Variants in MDGA2 observed in about 807,000 individuals in gnomAD.
MDGA2 encodes MAM domain-containing glycosylphosphatidylinositol anchor protein 2.
A neutral mutation model predicts 117.8 loss-of-function variants in MDGA2; 40 were observed. The ratio of observed to expected loss-of-function variants is 0.34; its 90% CI spans 0.26 to 0.44. The LOEUF is 0.44. MDGA2 is among the 20% of genes least tolerant of loss of function. The probability of loss-of-function intolerance (pLI) is 1.00; values close to 1 mark genes in which losing one functional copy is unlikely to be tolerated. For synonymous variants in MDGA2, 452 were observed against 439.0 expected (o/e 1.03, Z -0.37); for missense variants, 1,123 against 1,250.6 (o/e 0.90, Z 1.54).
At chr14:47,290,165 C>A (rs1205841261) in intron 2 of MDGA2, among the ~76,000 whole-genome samples, 1 of 152,012 alleles carries the variant, frequency 6.6e-6, no homozygotes, top group Non-Finnish European at 1.5e-5. Context: ...CCCCAGAATT[C>A]ATTCATATTT....
chr14:47,047,737 T>A (rs1889314820), intron 7 of MDGA2, among the ~76,000 whole-genome samples: 1 of 152,050 alleles, frequency 6.6e-6, no homozygotes, highest in Admixed American at 6.6e-5. Context: ...ATAGATTTTG[T>A]TTTATTCATA....
intron 14 of MDGA2, among the ~76,000 whole-genome samples, chr14:46,869,486 A>G (rs529792060): frequency 6.6e-6 from 1 of 151,958 alleles, no homozygotes; most frequent in South Asian, 2.1e-4. Flanking sequence ...TCACTTACAT[A>G]TAAATCAGCA....
At chr14:46,942,425 T>C (rs1030003502) in intron 9 of MDGA2, among the ~76,000 whole-genome samples, 1 of 152,142 alleles carries the variant, frequency 6.6e-6, no homozygotes, top group Non-Finnish European at 1.5e-5. Flanking sequence ...ATAATTTACA[T>C]ATAATAAACT....
At chr14:46,927,039 TGTGA>T (rs1274277604) in intron 9 of MDGA2, among the ~76,000 whole-genome samples, 3 of 152,154 alleles carry the variant, frequency 2.0e-5, no homozygotes, top group Non-Finnish European at 4.4e-5. Flanking sequence ...GGAAAATGAC[TGTGA>T]GTATCTCATC....
At chr14:46,973,146 A>T (rs1379982672) in intron 8 of MDGA2, among the ~76,000 whole-genome samples, 13 of 152,144 alleles carry the variant, frequency 8.5e-5, no homozygotes, top group Admixed American at 8.5e-4. Flanking sequence ...AGCAATGTGA[A>T]TTTTCATTCG....
intron 10 of MDGA2, among the ~76,000 whole-genome samples, chr14:46,918,803 C>T (rs2138507239): frequency 7.3e-6 from 1 of 137,140 alleles, no homozygotes; most frequent in East Asian, 2.0e-4. Flanking sequence ...TTCTGTTGCC[C>T]AGAGCTGGAG....
At chr14:47,277,224 C>T (rs1419547597) in intron 2 of MDGA2, among the ~76,000 whole-genome samples, 1 of 152,194 alleles carries the variant, frequency 6.6e-6, no homozygotes, top group Non-Finnish European at 1.5e-5. Context: ...CTTAACAAAT[C>T]TCTTTCATGT....
chr14:47,435,278 A>G (rs558889222), intron 1 of MDGA2, among the ~76,000 whole-genome samples: 146 of 152,274 alleles, frequency 9.6e-4, no homozygotes, highest in Admixed American at 2.4e-3. Context: ...AATATACCCA[A>G]TTCTCTTAAT....
intron 1 of MDGA2, among the ~76,000 whole-genome samples, chr14:47,356,912 G>C (rs1455091634): frequency 6.6e-6 from 1 of 152,166 alleles, no homozygotes; most frequent in Admixed American, 6.6e-5. Context: ...TTTGGTAAGA[G>C]ATAAACAACC....
At chr14:47,672,371 T>C (rs1231944355) in intron 1 of MDGA2, among the ~76,000 whole-genome samples, 3 of 152,332 alleles carry the variant, frequency 2.0e-5, no homozygotes, top group Non-Finnish European at 2.9e-5. Context: ...TGCCTCCTTG[T>C]TTATTGTTAA....
intron 2 of MDGA2, among the ~76,000 whole-genome samples, chr14:47,232,089 A>G (rs1174104351): frequency 6.6e-6 from 1 of 152,070 alleles, no homozygotes; most frequent in African/African-American, 2.4e-5. Flanking sequence ...AGGGGCCAGA[A>G]AGCTAAAATC....
intron 6 of MDGA2, among the ~76,000 whole-genome samples, chr14:47,074,510 C>G (rs1890419185): frequency 6.6e-6 from 1 of 152,164 alleles, no homozygotes; most frequent in Non-Finnish European, 1.5e-5. Flanking sequence ...CCGTGTTAGC[C>G]AGGATGGTCT....
chr14:47,106,689 G>A (rs1880706563), intron 5 of MDGA2, among the ~76,000 whole-genome samples: 1 of 151,912 alleles, frequency 6.6e-6, no homozygotes, highest in Non-Finnish European at 1.5e-5. Flanking sequence ...AAGCCCCCTA[G>A]ACCATCACAG....
intron 8 of MDGA2, among the ~76,000 whole-genome samples, chr14:47,023,197 G>GCAAAAAAAAAAAAAAAAA (rs1435992503): frequency 5.7e-5 from 4 of 69,614 alleles, no homozygotes; most frequent in Non-Finnish European, 1.1e-4. Flanking sequence ...ATTCCCACTC[G>GCAAAAAAAAAAAAAAAAA]TAAAAAAAAA....
intron 3 of MDGA2, among the ~76,000 whole-genome samples, chr14:47,145,671 G>A (rs934705167): frequency 3.3e-5 from 5 of 152,002 alleles, no homozygotes; most frequent in East Asian, 1.9e-4. Context: ...TCAGCAGATC[G>A]GAATGATAAT....
intron 10 of MDGA2, among the ~76,000 whole-genome samples, chr14:46,896,479 C>A (rs1883081678): frequency 6.6e-6 from 1 of 151,968 alleles, no homozygotes; most frequent in Non-Finnish European, 1.5e-5. Context: ...AATCATCTAA[C>A]TTATGTTGGC....
chr14:46,958,273 T>A (rs563155808), intron 8 of MDGA2, among the ~76,000 whole-genome samples: 26 of 151,962 alleles, frequency 1.7e-4, no homozygotes, highest in Non-Finnish European at 3.1e-4. Flanking sequence ...AATGGGTACA[T>A]ACAAAGGTAC....
In MDGA2 at chr14:47,324,854, A is replaced by AAGAG. The variant is rs146722286; in HGVS notation, c.281-23308_281-23305dup. 1.8e-4 allele frequency among the ~76,000 whole-genome samples: 27 copies of AAGAG among 149,422 alleles called. No homozygotes were observed. In the South Asian group the frequency reaches 2.5e-3, roughly 14 times the overall value. On this transcript the variant is annotated intron_variant, in intron 1 of 16. Transcript: ENST00000399232. ...GTATACACAGAGAGAGAGAGAGAGA[A>AAGAG]AGAGAGAGAGAGAGAGAGATAAGGC...
chr14:47,661,134 T>G (rs980522835), intron 1 of MDGA2, among the ~76,000 whole-genome samples: 1 of 152,116 alleles, frequency 6.6e-6, no homozygotes, highest in Non-Finnish European at 1.5e-5. Flanking sequence ...CTTTTATGAT[T>G]TAATTAGAAT....
Sources: allele counts gnomAD v4.1 joint callset (sites outside exome capture counted in the v4.1 genomes callset), GRCh38; gene constraint gnomAD v4.1.1; transcripts MANE v1.5; gene names NCBI Gene and HGNC (gene_info 2026-07-23, HGNC 2026-07-21).